FBXW4: variants seen among roughly 807,000 people sequenced by gnomAD.
The protein encoded by FBXW4 is F-box/WD repeat-containing protein 4.
In FBXW4, 40 loss-of-function variants were observed where a neutral mutation model predicts 61.8. The observed-to-expected ratio is 0.65, with a 90% CI of 0.50 to 0.84. FBXW4 has a LOEUF of 0.84. Among genes scored for constraint, FBXW4 ranks in the 40% least tolerant of loss-of-function variants. The probability of loss-of-function intolerance (pLI) is 0.00; values close to 1 mark genes in which losing one functional copy is unlikely to be tolerated. For synonymous variants in FBXW4, 311 were observed against 313.8 expected, an observed-to-expected ratio of 0.99 and a Z score of 0.10; for missense variants, 672 against 753.8, an observed-to-expected ratio of 0.89 and a Z score of 1.27.
intron 5 of FBXW4, among the ~76,000 whole-genome samples, chr10:101,642,188 T>C (rs1398960368): frequency 6.6e-6 from 1 of 151,732 alleles, no homozygotes; most frequent in Admixed American, 6.6e-5. Flanking sequence ...TAAAATAAAA[T>C]AGTCCACACA....
intron 5 of FBXW4, among the ~76,000 whole-genome samples, chr10:101,627,271 A>C (rs540607248): frequency 6.6e-6 from 1 of 152,074 alleles, no homozygotes; most frequent in Non-Finnish European, 1.5e-5. Flanking sequence ...TCTCTCACCT[A>C]ACCACTATGA....
chr10:101,641,810 AAT>A (rs1310248089), intron 5 of FBXW4, among the ~76,000 whole-genome samples: 1 of 152,222 alleles, frequency 6.6e-6, no homozygotes, highest in Non-Finnish European at 1.5e-5. Context: ...GTATCAAAAT[AAT>A]ATATGAGATG....
chr10:101,652,109 G>A (rs187668098), intron 5 of FBXW4, among the ~76,000 whole-genome samples: 5 of 151,290 alleles, frequency 3.3e-5, no homozygotes, highest in East Asian at 1.9e-4. Context: ...CCACCCCCTC[G>A]CTTCTCCTCA....
At chr10:101,621,267 C>G (rs2063864728) in intron 6 of FBXW4, among the ~76,000 whole-genome samples, 1 of 152,202 alleles carries the variant, frequency 6.6e-6, no homozygotes, top group Non-Finnish European at 1.5e-5. Context: ...TGGCTTACAC[C>G]TATAATCCCA....
At chr10:101,641,425 G>A (rs1356536064) in intron 5 of FBXW4, among the ~76,000 whole-genome samples, 1 of 152,044 alleles carries the variant, frequency 6.6e-6, no homozygotes, top group Non-Finnish European at 1.5e-5. Flanking sequence ...GTAACCCCAA[G>A]CAACTCCTTT....
chr10:101,657,639 CAAAAAAAAAAAA>C (rs35721394), intron 5 of FBXW4, among the ~76,000 whole-genome samples: 2 of 56,136 alleles, frequency 3.6e-5, no homozygotes, highest in South Asian at 9.4e-4. Context: ...GACTCTGTCT[CAAAAAAAAAAAA>C]AAAAAAAAAA....
chr10:101,675,574 C>T (rs536083950), intron 2 of FBXW4, among the ~76,000 whole-genome samples: 2 of 152,286 alleles, frequency 1.3e-5, no homozygotes, highest in East Asian at 3.9e-4. Flanking sequence ...CCAGTGAAAC[C>T]AGTGCAAACT....
intron 1 of FBXW4, among the ~76,000 whole-genome samples, chr10:101,679,199 A>C (rs1005523258): frequency 6.6e-6 from 1 of 152,156 alleles, no homozygotes; most frequent in Non-Finnish European, 1.5e-5. Context: ...ATCCTCCTGC[A>C]TCTGGCCAGC....
chr10:101,624,799 G>C lies in FBXW4; in HGVS notation c.1247C>G (p.Thr416Arg). 6.2e-7 allele frequency: 1 copy of C among 1,614,258 alleles called. No homozygotes were observed. The highest frequency in any genetic ancestry group is 8.5e-7 in the Non-Finnish European group (1 of 1,180,046). The stretch of plus-strand genomic sequence containing the variant: ...GAAGTGCCCGCAACAAGCCGTCCCT[G>C]TCACAAAAGAGCTGCCAAACAAAAG... ...AISPLLSSFV[T>R]GTACCGHFSP... is the part of the protein sequence containing the mutation. Residue 416 changes from threonine (T) to arginine (R), a missense_variant, in exon 6 of 9, where the codon ACA becomes AGA. Transcript: ENST00000331272.
At chr10:101,641,015 G>A (rs1040940416) in intron 5 of FBXW4, among the ~76,000 whole-genome samples, 13 of 151,328 alleles carry the variant, frequency 8.6e-5, no homozygotes, top group Non-Finnish European at 1.5e-5. Flanking sequence ...ATTTTTAGTA[G>A]AGATGGGGTT....
At chr10:101,634,818 A>C (rs1477394109) in intron 5 of FBXW4, among the ~76,000 whole-genome samples, 1 of 149,612 alleles carries the variant, frequency 6.7e-6, no homozygotes, top group Non-Finnish European at 1.5e-5. Flanking sequence ...ATAGTTTTAT[A>C]ATCTTGGAAA....
At chr10:101,612,088 T>C (rs2134794256) in intron 7 of FBXW4, among the ~76,000 whole-genome samples, 2 of 152,282 alleles carry the variant, frequency 1.3e-5, no homozygotes, top group East Asian at 3.9e-4. Context: ...GAATATTGAG[T>C]GACAGTACCC....
At chr10:101,617,696 G>A (rs892666216) in intron 6 of FBXW4, among the ~76,000 whole-genome samples, 14 of 152,326 alleles carry the variant, frequency 9.2e-5, no homozygotes, top group Middle Eastern at 3.4e-3. Context: ...GGGCAGCCGC[G>A]TAGATAAAAG....
At chr10:101,673,778 C>T in intron 2 of FBXW4, 105 bp from the exon 3 acceptor site, 1 of 1,069,778 alleles carries the variant, frequency 9.3e-7, no homozygotes, top group Non-Finnish European at 1.3e-6. Flanking sequence ...TAAGGATAAC[C>T]AACAAGGCTT....
intron 5 of FBXW4, among the ~76,000 whole-genome samples, chr10:101,635,438 A>G (rs1313120639): frequency 6.7e-6 from 1 of 150,204 alleles, no homozygotes; most frequent in East Asian, 1.9e-4. Flanking sequence ...CCCCGAGGCT[A>G]TGGAAAAATT....
At position 101,634,720 on chromosome 10, in the gene FBXW4, G is replaced by C. The variant is rs1232146348; in HGVS notation, c.1236-9910C>G. Among the ~76,000 whole-genome samples, 6 of 148,418 alleles carry C rather than the reference G, an allele frequency of 4.0e-5. 2 individuals are homozygous for C. Among genetic ancestry groups the C allele is most frequent in the African/African-American group, 1.5e-4 (6 of 39,532 alleles). On this transcript the variant is annotated intron_variant, in intron 5 of 8. Transcript: ENST00000331272. ...AAAAAAATTAGAAGCCTACCTCCCA[G>C]CAGATATCAATCTCAGATGGATTAA...
chr10:101,694,236 G>T lies in FBXW4; in HGVS notation c.725+145C>A. ...CAAAGGGGTCCCCGAGAGTGCTCGG[G>T]AAAGGGTGTAGGCGGAGGTCAGGTG... On this transcript the variant is annotated intron_variant, in intron 1 of 8. Transcript: ENST00000331272. The surrounding 1 kb of genome is among the most constrained non-coding windows in gnomAD (Gnocchi z 6.0). 2.6e-6 allele frequency: 2 copies of T among 756,634 alleles called. No individual in the cohort carries two copies. Among genetic ancestry groups the T allele is most frequent in the Non-Finnish European group, 3.7e-6 (2 of 539,484 alleles). The allele number at this position is 756,634 out of a possible 1,614,324, so 46.9% of individuals were successfully genotyped here.
At chr10:101,648,540 GA>G (rs1325559814) in intron 5 of FBXW4, among the ~76,000 whole-genome samples, 1 of 152,124 alleles carries the variant, frequency 6.6e-6, no homozygotes, top group Non-Finnish European at 1.5e-5. Flanking sequence ...AAAGGAGTCA[GA>G]ACTGTACAGC....
chr10:101,678,003 CA>C (rs747689411), intron 1 of FBXW4, among the ~76,000 whole-genome samples: 138 of 152,118 alleles, frequency 9.1e-4, no homozygotes, highest in Non-Finnish European at 1.1e-3. Flanking sequence ...CAAATACAGC[CA>C]AATATTAATT....
Sources: allele counts gnomAD v4.1 joint callset (sites outside exome capture counted in the v4.1 genomes callset), GRCh38; gene constraint gnomAD v4.1.1; non-coding constraint Gnocchi (gnomAD v3.1); transcripts MANE v1.5; gene names NCBI Gene and HGNC (gene_info 2026-07-23, HGNC 2026-07-21).